SDF2L1: variants seen among roughly 807,000 people sequenced by gnomAD.
SDF2L1 encodes the protein stromal cell derived factor 2 like 1.
In SDF2L1, 18 loss-of-function variants were observed where a neutral mutation model predicts 19.4. That is an observed-to-expected ratio of 0.93 (90% CI 0.64 to 1.38). The LOEUF (loss-of-function observed/expected upper bound fraction) is 1.38. Ranked by LOEUF, SDF2L1 falls within the 40% of genes most tolerant of loss-of-function variation. The pLI is 0.00. For missense variants in SDF2L1, 263 were observed against 319.4 expected (o/e 0.82, Z 1.35); for synonymous variants, 161 against 148.9 (o/e 1.08, Z -0.59).
Position 21,644,001 on chromosome 22 carries a change from T to G in SDF2L1, c.492T>G (p.His164Gln). 6.2e-7 allele frequency: 1 copy of G among 1,614,152 alleles called. No individual in the cohort carries two copies. Among genetic ancestry groups the G allele is most frequent in the Non-Finnish European group, 8.5e-7 (1 of 1,180,028 alleles). ...GTGAGGCTGCTGTGCGCTTCCAGCA[T>G]GTGGGCACCTCTGTGTTCCTGTCAG... Reference protein sequence around the residue: ...WEREAAVRFQHVGTSVFLSVT... With the variant: ...WEREAAVRFQQVGTSVFLSVT... Residue 164 changes from histidine (H) to glutamine (Q), a missense_variant, in exon 3 of 3, where the codon CAT becomes CAG. His to Gln is a conservative substitution (Grantham distance 24). Around this residue, in one of 3 missense-constraint regions of SDF2L1, gnomAD observed 203 missense variants for 256.9 expected, o/e 0.79. Transcript: ENST00000248958.
In SDF2L1 at chr22:21,642,311, C is replaced by G. The variant is rs756885105; in HGVS notation, c.-26C>G. Reference sequence around the variant, plus strand: ...CGGGGACGGAAGCGGCCCCTGGGCCCGAGGGGCTGGAGCCGGGCCGGGGCG... The same window carrying G: ...CGGGGACGGAAGCGGCCCCTGGGCCGGAGGGGCTGGAGCCGGGCCGGGGCG... On this transcript the variant is annotated 5_prime_UTR_variant, in exon 1 of 3. Transcript: ENST00000248958. 1,972 of 1,315,978 alleles carry G rather than the reference C, an allele frequency of 1.5e-3. 7 individuals are homozygous for G. Among genetic ancestry groups the G allele is most frequent in the Non-Finnish European group, 1.8e-3 (1,874 of 1,039,318 alleles). 81.5% of individuals were successfully genotyped at this position (1,315,978 alleles called of 1,614,324 possible).
Position 21,642,306 on chromosome 22 carries a change from G to A in SDF2L1, c.-31G>A. On this transcript the variant is annotated 5_prime_UTR_variant, in exon 1 of 3. Transcript: ENST00000248958. The stretch of plus-strand genomic sequence containing the variant: ...CGCGGCGGGGACGGAAGCGGCCCCT[G>A]GGCCCGAGGGGCTGGAGCCGGGCCG... 1 of 1,309,446 alleles carries A rather than the reference G, an allele frequency of 7.6e-7. No homozygotes were observed. The highest frequency in any genetic ancestry group is 9.7e-7 in the Non-Finnish European group (1 of 1,035,396). 81.1% of individuals were successfully genotyped at this position (1,309,446 alleles called of 1,614,324 possible). A position where few individuals can be genotyped will look rare whatever the true frequency, so the allele number is the denominator to read the frequency against.
At position 21,642,875 on chromosome 22, in the gene SDF2L1, A is replaced by G; in HGVS notation, c.201A>G (p.Gln67=). 1 of 1,596,958 alleles carries G rather than the reference A, an allele frequency of 6.3e-7. No homozygotes were observed. The highest frequency in any genetic ancestry group is 1.7e-5 in the Admixed American group (1 of 57,926). ...DIKYGSGSGQ[Q]SVTGVEASDD... is the part of the protein sequence containing the mutation. ...GTCACTCCTCAGGCAGCGGCCAGCA[A>G]TCGGTGACCGGCGTAGAGGCGTCGG... The change falls in exon 2 of 3, where the codon CAA becomes CAG. Residue 67 remains glutamine, a synonymous_variant. Coordinates refer to ENST00000248958, the MANE Select transcript of SDF2L1 (RefSeq NM_022044.3).
chr22:21,643,707 A>C (rs1263253302), intron 2 of SDF2L1, among the ~76,000 whole-genome samples, 187 bp from the exon 3 acceptor site: 1 of 152,174 alleles, frequency 6.6e-6, no homozygotes, highest in Non-Finnish European at 1.5e-5. Context: ...TGGTGTGTGC[A>C]TGTGTCTGAA....
chr22:21,642,881 G>A lies in SDF2L1; in HGVS notation c.207G>A (p.Val69=), dbSNP rs762922390. 33 of 1,597,190 alleles carry A rather than the reference G, an allele frequency of 2.1e-5. No homozygotes were observed. Among genetic ancestry groups the A allele is most frequent in the Non-Finnish European group, 2.8e-5 (33 of 1,173,928 alleles). Residue 69 remains valine, a synonymous_variant, in exon 2 of 3, where the codon GTG becomes GTA. Coordinates refer to ENST00000248958, the MANE Select transcript of SDF2L1 (RefSeq NM_022044.3). ...KYGSGSGQQS[V]TGVEASDDAN... is the part of the protein sequence containing the mutation. Reference sequence around the variant, plus strand: ...CCTCAGGCAGCGGCCAGCAATCGGTGACCGGCGTAGAGGCGTCGGACGACG... The same window carrying A: ...CCTCAGGCAGCGGCCAGCAATCGGTAACCGGCGTAGAGGCGTCGGACGACG...
In SDF2L1 at chr22:21,642,992, C is replaced by A; in HGVS notation, c.318C>A (p.Leu106=). ...SPVRCGQAVR[L]THVLTGKNLH... ...TGCGCTGCGGGCAGGCGGTGAGGCT[C>A]ACGCATGTGCTTACGGGCAAGAACC... Residue 106 remains leucine (L), a synonymous_variant, in exon 2 of 3, where the codon CTC becomes CTA. Coordinates refer to ENST00000248958, the MANE Select transcript of SDF2L1 (RefSeq NM_022044.3). 2 of 1,566,180 alleles carry A rather than the reference C, an allele frequency of 1.3e-6. No homozygotes were observed. The highest frequency in any genetic ancestry group is 1.9e-5 in the Admixed American group (1 of 52,696).
In SDF2L1 at chr22:21,642,357, C is replaced by T. The variant is rs749747519; in HGVS notation, c.21C>T (p.Gly7=). The T allele has an allele frequency of 7.5e-5, 105 of 1,394,028 alleles. No homozygotes were observed. The highest frequency in any genetic ancestry group is 2.0e-4 in the Admixed American group (5 of 25,616). The allele number at this position is 1,394,028 out of a possible 1,614,324, so 86.4% of individuals were successfully genotyped here. ...GGGCGATGTGGAGCGCGGGCCGCGG[C>T]GGGGCTGCCTGGCCGGTGCTGTTGG... is the stretch of plus-strand genomic sequence containing the variant. The part of the protein sequence containing the change: MWSAGR[G]GAAWPVLLGL... The change falls in exon 1 of 3, where the codon GGC becomes GGT. Residue 7 remains glycine, a synonymous_variant. Transcript: ENST00000248958.
chr22:21,643,829 G>A (rs945352610), intron 2 of SDF2L1, 65 bp from the exon 3 acceptor site: 135 of 1,492,672 alleles, frequency 9.0e-5, no homozygotes, highest in Non-Finnish European at 1.0e-4. Context: ...CCCGAGGCTC[G>A]GTGTACTAGG....
Position 21,642,312 on chromosome 22 carries a change from G to C in SDF2L1, c.-25G>C, listed in dbSNP as rs904728389. ...GGGGACGGAAGCGGCCCCTGGGCCCGAGGGGCTGGAGCCGGGCCGGGGCGA... is the reference window on the plus strand; with the variant it reads ...GGGGACGGAAGCGGCCCCTGGGCCCCAGGGGCTGGAGCCGGGCCGGGGCGA... On this transcript the variant is annotated 5_prime_UTR_variant, in exon 1 of 3. Transcript: ENST00000248958. 7.6e-7 allele frequency: 1 copy of C among 1,316,474 alleles called. No homozygotes were observed. Among genetic ancestry groups the C allele is most frequent in the Non-Finnish European group, 9.6e-7 (1 of 1,039,518 alleles). The allele number at this position is 1,316,474 out of a possible 1,614,324, so 81.5% of individuals were successfully genotyped here.
Position 21,642,517 on chromosome 22 carries a change from G to A in SDF2L1, c.181G>A (p.Gly61Arg). Reference protein sequence around the residue: ...VRLHSHDIKYGSGSGQQSVTG... With the variant: ...VRLHSHDIKYRSGSGQQSVTG... Reference sequence around the variant, plus strand: ...GCTGCACTCGCACGACATCAAATACGGATCCGGTGCGTGGGGCCAGCGACT... The same window carrying A: ...GCTGCACTCGCACGACATCAAATACAGATCCGGTGCGTGGGGCCAGCGACT... The change falls in exon 1 of 3, where the codon GGA (glycine) becomes AGA (arginine). Residue 61 changes from glycine (G) to arginine (R), a missense_variant. Physicochemically the swap from Gly to Arg is moderately radical, Grantham distance 125 (BLOSUM62 -2). Transcript: ENST00000248958. The A allele has an allele frequency of 6.6e-7, 1 of 1,520,686 alleles. No individual in the cohort carries two copies. 94.2% of individuals were successfully genotyped at this position (1,520,686 alleles called of 1,614,324 possible).
At chr22:21,642,777 CCTGGGACATGTT>C in intron 1 of SDF2L1, 73 bp from the exon 2 acceptor site, 1 of 1,482,106 alleles carries the variant, frequency 6.7e-7, no homozygotes, top group Non-Finnish European at 9.1e-7. Flanking sequence ...CTTGGGGTCC[CCTGGGACATGTT>C]CTGGTCCCAG....
Position 21,642,407 on chromosome 22 carries a change from C to T in SDF2L1, c.71C>T (p.Pro24Leu), listed in dbSNP as rs1361535173. 11 of 1,454,972 alleles carry T rather than the reference C, an allele frequency of 7.6e-6. No homozygotes were observed. The highest frequency in any genetic ancestry group is 9.9e-6 in the Non-Finnish European group (11 of 1,113,764). The allele number at this position is 1,454,972 out of a possible 1,614,324, so 90.1% of individuals were successfully genotyped here. A position where few individuals can be genotyped will look rare whatever the true frequency, so the allele number is the denominator to read the frequency against. The change falls in exon 1 of 3, where the codon CCG becomes CTG. Residue 24 changes from proline to leucine, a missense_variant. Coordinates refer to ENST00000248958, the MANE Select transcript of SDF2L1 (RefSeq NM_022044.3). Reference protein sequence around the residue: ...LLGLLLALLVPGGGAAKTGAE... With the variant: ...LLGLLLALLVLGGGAAKTGAE... ...GGGCTGCTGCTGGCGCTGTTAGTGC[C>T]GGGCGGTGGTGCCGCCAAGACCGGT... is the stretch of plus-strand genomic sequence containing the variant.
Position 21,642,962 on chromosome 22 carries a change from C to G in SDF2L1, c.288C>G (p.Ser96=), listed in dbSNP as rs180934942. 2.5e-6 allele frequency: 4 copies of G among 1,570,658 alleles called. No individual in the cohort carries two copies. The East Asian group carries it at 9.5e-5, about 37-fold the overall frequency. Residue 96 remains serine, a synonymous_variant, in exon 2 of 3, where the codon TCC becomes TCG. Coordinates refer to ENST00000248958, the MANE Select transcript of SDF2L1 (RefSeq NM_022044.3). ...GGSEGGCPRG[S]PVRCGQAVRL... is the part of the protein sequence containing the mutation. ...CGGAGGGCGGGTGCCCGCGCGGGTC[C>G]CCGGTGCGCTGCGGGCAGGCGGTGA...
intron 1 of SDF2L1, among the ~76,000 whole-genome samples, 165 bp downstream of exon 1, chr22:21,642,688 T>C (rs2066088516): frequency 6.7e-6 from 1 of 148,446 alleles, no homozygotes; most frequent in African/African-American, 2.5e-5. Context: ...GTGTCGAGGA[T>C]ATTGAGGGTG....
rs201526185 is a variant in SDF2L1, at chr22:21,642,364, G to A, written c.28G>A (p.Ala10Thr). The change falls in exon 1 of 3, where the codon GCC becomes ACC. Residue 10 changes from alanine to threonine, a missense_variant. Coordinates refer to ENST00000248958, the MANE Select transcript of SDF2L1 (RefSeq NM_022044.3). ...GTGGAGCGCGGGCCGCGGCGGGGCT[G>A]CCTGGCCGGTGCTGTTGGGGCTGCT... The part of the protein sequence containing the change: MWSAGRGGA[A>T]WPVLLGLLLA... 1.1e-5 allele frequency: 15 copies of A among 1,408,072 alleles called. No homozygotes were observed. The African/African-American group carries it at 1.1e-4, about 10-fold the overall frequency. The allele number at this position is 1,408,072 out of a possible 1,614,324, so 87.2% of individuals were successfully genotyped here.
chr22:21,643,662 G>A lies in SDF2L1; in HGVS notation c.385-232G>A, dbSNP rs775953776. On this transcript the variant is annotated intron_variant, in intron 2 of 2. Transcript: ENST00000248958. ...ATGTGGAGGAGGAGGCCTTAGCTCC[G>A]TGGGGACCAGTGGTCTCTGCACAGA... is the stretch of plus-strand genomic sequence containing the variant. 2.0e-5 allele frequency among the ~76,000 whole-genome samples: 3 copies of A among 152,300 alleles called. No individual in the cohort carries two copies. In the South Asian group the frequency reaches 6.2e-4, roughly 32 times the overall value.
intron 2 of SDF2L1, among the ~76,000 whole-genome samples, chr22:21,643,555 GAGAT>G (rs1490970740): frequency 6.6e-6 from 1 of 152,204 alleles, no homozygotes; most frequent in Non-Finnish European, 1.5e-5. Context: ...GAAAATGTTT[GAGAT>G]AGATAGACAG....
At chr22:21,642,767 C>T (rs1185772150) in intron 1 of SDF2L1, 95 bp from the exon 2 acceptor site, 1 of 1,445,428 alleles carries the variant, frequency 6.9e-7, no homozygotes. Context: ...GGGGTGAGCC[C>T]TTGGGGTCCC....
Position 21,642,309 on chromosome 22 carries a change from C to T in SDF2L1, c.-28C>T. 1.5e-6 allele frequency: 2 copies of T among 1,315,452 alleles called. No homozygotes were observed. Among genetic ancestry groups the T allele is most frequent in the Non-Finnish European group, 1.9e-6 (2 of 1,038,836 alleles). 81.5% of individuals were successfully genotyped at this position (1,315,452 alleles called of 1,614,324 possible). ...GGCGGGGACGGAAGCGGCCCCTGGGCCCGAGGGGCTGGAGCCGGGCCGGGG... is the reference window on the plus strand; with the variant it reads ...GGCGGGGACGGAAGCGGCCCCTGGGTCCGAGGGGCTGGAGCCGGGCCGGGG... On this transcript the variant is annotated 5_prime_UTR_variant, in exon 1 of 3. Coordinates refer to ENST00000248958, the MANE Select transcript of SDF2L1 (RefSeq NM_022044.3).
Sources: allele counts gnomAD v4.1 joint callset (sites outside exome capture counted in the v4.1 genomes callset), GRCh38; gene constraint gnomAD v4.1.1; regional missense constraint gnomAD v4.1.1; transcripts MANE v1.5; gene names NCBI Gene and HGNC (gene_info 2026-07-23, HGNC 2026-07-21).